Variants in LUZP2 observed in about 807,000 individuals in gnomAD.
The protein encoded by LUZP2 is leucine zipper protein 2.
In LUZP2, 52 loss-of-function variants were observed where a neutral mutation model predicts 51.6. The ratio of observed to expected loss-of-function variants is 1.01; its 90% CI spans 0.81 to 1.27. The LOEUF (loss-of-function observed/expected upper bound fraction) is 1.27, where lower values mean the gene tolerates loss of function less well. LUZP2 is among the 50% of genes most tolerant of loss of function. The pLI is 0.00. For missense variants in LUZP2, 436 were observed against 395.4 expected (o/e 1.10, Z -0.87); for synonymous variants, 154 against 137.3 (o/e 1.12, Z -0.85).
At chr11:24,670,160 G>A (rs564571821) in intron 1 of LUZP2, among the ~76,000 whole-genome samples, 1 of 152,148 alleles carries the variant, frequency 6.6e-6, no homozygotes, top group East Asian at 1.9e-4. Context: ...TAAAAATATA[G>A]TGTTCATAGA....
At chr11:25,045,710 G>A (rs1250110464) in intron 9 of LUZP2, among the ~76,000 whole-genome samples, 3 of 152,076 alleles carry the variant, frequency 2.0e-5, no homozygotes, top group Admixed American at 2.0e-4. Context: ...CATCATTGCT[G>A]AGCCTGTTAT....
intron 5 of LUZP2, among the ~76,000 whole-genome samples, chr11:24,789,933 TAAAC>T (rs1849363271): frequency 6.6e-6 from 1 of 152,196 alleles, no homozygotes; most frequent in Non-Finnish European, 1.5e-5. Context: ...AAAGGGGATA[TAAAC>T]ATTTCAACCA....
intron 3 of LUZP2, among the ~76,000 whole-genome samples, chr11:24,736,219 C>T (rs1046081599): frequency 2.4e-4 from 34 of 144,526 alleles, no homozygotes; most frequent in African/African-American, 8.4e-4. Flanking sequence ...ATCTATCTAT[C>T]TATCTATCTA....
intron 1 of LUZP2, among the ~76,000 whole-genome samples, chr11:24,528,545 C>T (rs1308796602): frequency 6.6e-5 from 10 of 151,142 alleles, no homozygotes; most frequent in South Asian, 2.1e-4. Context: ...TTAGGGTACA[C>T]GTGCACAACG....
intron 1 of LUZP2, among the ~76,000 whole-genome samples, chr11:24,521,088 C>A (rs1912141): frequency 0.15 from 23,174 of 152,108 alleles, 3,026 homozygotes; most frequent in African/African-American, 0.35. Context: ...TGGTGGCTCA[C>A]GCCTGTAATC....
At chr11:24,638,144 C>A (rs759212882) in intron 1 of LUZP2, among the ~76,000 whole-genome samples, 5 of 151,634 alleles carry the variant, frequency 3.3e-5, no homozygotes, top group Admixed American at 6.6e-5. Flanking sequence ...TTTAACTTAG[C>A]CCATGACAAA....
chr11:24,582,738 C>T (rs1173189799), intron 1 of LUZP2, among the ~76,000 whole-genome samples: 2 of 151,700 alleles, frequency 1.3e-5, no homozygotes, highest in South Asian at 2.1e-4. Context: ...CTGGTTCCAG[C>T]GGTTTTGTTT....
At chr11:25,063,783 G>A (rs1858919469) in intron 10 of LUZP2, among the ~76,000 whole-genome samples, 2 of 151,732 alleles carry the variant, frequency 1.3e-5, no homozygotes, top group African/African-American at 2.4e-5. Flanking sequence ...ATGATTTATT[G>A]AACATGTAAT....
intron 5 of LUZP2, among the ~76,000 whole-genome samples, chr11:24,878,326 G>A (rs1327112484): frequency 6.6e-6 from 1 of 151,766 alleles, no homozygotes; most frequent in East Asian, 1.9e-4. Flanking sequence ...ATTTTCTAGG[G>A]TAAAAAGTTG....
At chr11:24,931,626 C>T (rs1268667046) in intron 7 of LUZP2, among the ~76,000 whole-genome samples, 1 of 152,056 alleles carries the variant, frequency 6.6e-6, no homozygotes, top group Non-Finnish European at 1.5e-5. Flanking sequence ...TTTCCATATC[C>T]TTAGACTTTT....
intron 5 of LUZP2, among the ~76,000 whole-genome samples, chr11:24,807,948 T>C (rs1481844301): frequency 6.6e-6 from 1 of 152,176 alleles, no homozygotes; most frequent in Non-Finnish European, 1.5e-5. Context: ...AAAGCGTCAC[T>C]ATCAAATAGA....
At position 25,002,418 on chromosome 11, in the gene LUZP2, G is replaced by A. The variant is rs542700781; in HGVS notation, c.765+19125G>A. On this transcript the variant is annotated intron_variant, in intron 9 of 11. Transcript: ENST00000336930. ...CCATCCTCTGGGAGAAAAGTGGCAGGGTTGAGGGCCATTGACATATGTATT... is the reference window on the plus strand; with the variant it reads ...CCATCCTCTGGGAGAAAAGTGGCAGAGTTGAGGGCCATTGACATATGTATT... Among the ~76,000 whole-genome samples the A allele has an allele frequency of 2.0e-5, 3 of 152,286 alleles. No homozygotes were observed. In the South Asian group the frequency reaches 6.2e-4, roughly 32 times the overall value.
At chr11:24,894,311 C>T (rs1241190317) in intron 5 of LUZP2, among the ~76,000 whole-genome samples, 1 of 151,498 alleles carries the variant, frequency 6.6e-6, no homozygotes, top group Non-Finnish European at 1.5e-5. Flanking sequence ...AGTAGCTGGG[C>T]TTACAGGTGC....
chr11:24,974,906 G>A (rs1855843255), intron 7 of LUZP2, among the ~76,000 whole-genome samples: 2 of 151,978 alleles, frequency 1.3e-5, no homozygotes, highest in East Asian at 3.9e-4. Flanking sequence ...TAAAACATAT[G>A]ATTTTTAAAT....
At chr11:24,872,447 AG>A (rs1206182017) in intron 5 of LUZP2, among the ~76,000 whole-genome samples, 1 of 152,182 alleles carries the variant, frequency 6.6e-6, no homozygotes, top group Non-Finnish European at 1.5e-5. Flanking sequence ...GTAGCAGCTC[AG>A]TAGTGCAACT....
chr11:25,006,069 C>A (rs948338178), intron 9 of LUZP2, among the ~76,000 whole-genome samples: 1 of 149,604 alleles, frequency 6.7e-6, no homozygotes, highest in Non-Finnish European at 1.5e-5. Context: ...CCCTGCTTGT[C>A]TGAGAAGGGA....
chr11:24,563,066 A>G (rs982258718), intron 1 of LUZP2, among the ~76,000 whole-genome samples: 6 of 152,182 alleles, frequency 3.9e-5, no homozygotes, highest in Admixed American at 3.9e-4. Flanking sequence ...TGAATAAAAC[A>G]CTTGTGTTTG....
intron 5 of LUZP2, among the ~76,000 whole-genome samples, chr11:24,858,358 A>G (rs1438705118): frequency 6.6e-6 from 1 of 152,094 alleles, no homozygotes; most frequent in Non-Finnish European, 1.5e-5. Flanking sequence ...GAGAGATGCT[A>G]TTTATCTTTA....
chr11:25,030,454 A>G (rs1857611276), intron 9 of LUZP2, among the ~76,000 whole-genome samples: 1 of 152,130 alleles, frequency 6.6e-6, no homozygotes, highest in Non-Finnish European at 1.5e-5. Flanking sequence ...AGTGAGTTGT[A>G]AGATCAAAGG....
Sources: allele counts gnomAD v4.1 joint callset (sites outside exome capture counted in the v4.1 genomes callset), GRCh38; gene constraint gnomAD v4.1.1; transcripts MANE v1.5; gene names NCBI Gene and HGNC (gene_info 2026-07-23, HGNC 2026-07-21).